The following MAP4K5 variants were observed in gnomAD, a reference collection of about 807,000 sequenced individuals.
MAP4K5 encodes mitogen-activated protein kinase kinase kinase kinase 5.
A neutral mutation model predicts 135.6 loss-of-function variants in MAP4K5; 82 were observed. The ratio of observed to expected loss-of-function variants is 0.60; its 90% CI spans 0.51 to 0.73. MAP4K5 has a LOEUF of 0.73. MAP4K5 is among the 30% of genes least tolerant of loss of function. The pLI is 0.00. For synonymous variants in MAP4K5, 347 were observed against 335.0 expected, an observed-to-expected ratio of 1.04 and a Z score of -0.39; for missense variants, 907 against 1,010.9, an observed-to-expected ratio of 0.90 and a Z score of 1.39.
chr14:50,507,087 C>A (rs1327865574), intron 2 of MAP4K5, among the ~76,000 whole-genome samples: 2 of 152,150 alleles, frequency 1.3e-5, no homozygotes, highest in East Asian at 3.8e-4. Context: ...TTCAGTAAAT[C>A]ATAAAATGTG....
chr14:50,507,295 A>T (rs572843818), intron 2 of MAP4K5, among the ~76,000 whole-genome samples: 1 of 152,320 alleles, frequency 6.6e-6, no homozygotes, highest in African/African-American at 2.4e-5. Flanking sequence ...ATCTTTTCAA[A>T]AAACCAGCTC....
At chr14:50,495,756 A>G (rs776607119) in intron 3 of MAP4K5, among the ~76,000 whole-genome samples, 2 of 152,228 alleles carry the variant, frequency 1.3e-5, no homozygotes, top group African/African-American at 4.8e-5. Flanking sequence ...GTCATATGCT[A>G]TAACATAGAT....
chr14:50,432,152 A>C (rs906171986), intron 28 of MAP4K5, among the ~76,000 whole-genome samples: 1 of 152,250 alleles, frequency 6.6e-6, no homozygotes, highest in African/African-American at 2.4e-5. Context: ...CCTTGGAGAT[A>C]AGGATATAGC....
chr14:50,516,756 A>G (rs1014776884), intron 2 of MAP4K5, among the ~76,000 whole-genome samples: 46 of 152,112 alleles, frequency 3.0e-4, no homozygotes, highest in Admixed American at 6.5e-4. Flanking sequence ...ATAAGCAAAT[A>G]TATTCTCCAA....
At chr14:50,541,599 T>C (rs1345519120) in intron 2 of MAP4K5, among the ~76,000 whole-genome samples, 1 of 152,154 alleles carries the variant, frequency 6.6e-6, no homozygotes, top group Admixed American at 6.5e-5. Flanking sequence ...GAGAAGGCTA[T>C]GATGCAAGCT....
At chr14:50,555,967 A>G (rs2038760196) in intron 1 of MAP4K5, among the ~76,000 whole-genome samples, 1 of 152,200 alleles carries the variant, frequency 6.6e-6, no homozygotes, top group East Asian at 1.9e-4. Flanking sequence ...GAGGAAAATG[A>G]GCATGGTGAA....
chr14:50,552,858 A>C (rs2038719992), intron 1 of MAP4K5, among the ~76,000 whole-genome samples: 1 of 152,186 alleles, frequency 6.6e-6, no homozygotes, highest in Middle Eastern at 3.2e-3. Context: ...AGAAAAATCA[A>C]CTCAAGATGG....
chr14:50,515,123 CG>C (rs2038008902), intron 2 of MAP4K5, among the ~76,000 whole-genome samples: 1 of 151,952 alleles, frequency 6.6e-6, no homozygotes, highest in Admixed American at 6.6e-5. Context: ...AGGATGGTCT[CG>C]ATCTCCTGAC....
intron 3 of MAP4K5, among the ~76,000 whole-genome samples, chr14:50,499,146 T>C (rs184468763): frequency 7.4e-5 from 11 of 149,374 alleles, no homozygotes; most frequent in African/African-American, 2.7e-4. Flanking sequence ...AAAAGACAAA[T>C]ACAGGATGCT....
chr14:50,420,700 G>C (rs1361489622), intron 32 of MAP4K5, among the ~76,000 whole-genome samples: 2 of 152,088 alleles, frequency 1.3e-5, no homozygotes, highest in African/African-American at 4.8e-5. Context: ...TAATACTTTA[G>C]GGATTTCACT....
chr14:50,487,408 G>A (rs141440550), intron 3 of MAP4K5, among the ~76,000 whole-genome samples: 233 of 152,190 alleles, frequency 1.5e-3, no homozygotes, highest in African/African-American at 5.0e-3. Flanking sequence ...GTCAATTCAC[G>A]TAAACATTAA....
At position 50,475,140 on chromosome 14, in the gene MAP4K5, C is replaced by T; in HGVS notation, c.479G>A (p.Gly160Asp). ...GGTAGCTGTTATTTTTGCAGCCACA[C>T]CAAAGTCAGCTAGTGAGGAAAAAAA... is the stretch of plus-strand genomic sequence containing the variant. Reference protein sequence around the residue: ...DHGDVKLADFGVAAKITATIA... With the variant: ...DHGDVKLADFDVAAKITATIA... Residue 160 changes from glycine (G) to aspartate (D), a missense_variant, in exon 9 of 33, where the codon GGT becomes GAT. By Grantham distance (94) the Gly-to-Asp change is moderately conservative (BLOSUM62 -1). Around this residue, in one of 3 missense-constraint regions of MAP4K5, gnomAD observed 21 missense variants for 44.2 expected, o/e 0.47. Transcript: ENST00000682126. The T allele has an allele frequency of 1.2e-6, 2 of 1,613,716 alleles. No individual in the cohort carries two copies. Among genetic ancestry groups the T allele is most frequent in the Non-Finnish European group, 1.7e-6 (2 of 1,179,742 alleles).
intron 3 of MAP4K5, among the ~76,000 whole-genome samples, chr14:50,494,690 C>T (rs1339240926): frequency 2.6e-5 from 4 of 151,968 alleles, no homozygotes; most frequent in Non-Finnish European, 5.9e-5. Context: ...TAAAAGCTAC[C>T]ATAATCAAAA....
intron 26 of MAP4K5, among the ~76,000 whole-genome samples, chr14:50,435,997 G>T (rs1215923415): frequency 6.6e-6 from 1 of 152,086 alleles, no homozygotes; most frequent in Admixed American, 6.6e-5. Context: ...ATTCTCCCTA[G>T]AAAAATAATA....
In MAP4K5 at chr14:50,524,767, G is replaced by A. The variant is rs561842093; in HGVS notation, c.108+7175C>T. Among the ~76,000 whole-genome samples, 5 of 152,282 alleles carry A rather than the reference G, an allele frequency of 3.3e-5. No homozygotes were observed. In the South Asian group the frequency reaches 1.0e-3, roughly 32 times the overall value. On this transcript the variant is annotated intron_variant, in intron 2 of 32. Coordinates refer to ENST00000682126, the MANE Select transcript of MAP4K5 (RefSeq NM_006575.6). ...AAGTTCAGTATGGATACGGTATTGG[G>A]ATAAGCAGGGCCTTAACAGGAATAT...
intron 3 of MAP4K5, among the ~76,000 whole-genome samples, chr14:50,490,939 C>T (rs1390004521): frequency 6.6e-6 from 1 of 152,172 alleles, no homozygotes; most frequent in Non-Finnish European, 1.5e-5. Context: ...TTTCCTAATA[C>T]TATCTGCAGG....
upstream of MAP4K5, chr14:50,533,213 C>T (rs1595559820): frequency 6.6e-6 from 1 of 152,240 alleles, no homozygotes; most frequent in East Asian, 1.9e-4. Flanking sequence ...TGTCTCATCG[C>T]TGGTATTGCA....
chr14:50,553,024 G>T (rs544249562), intron 1 of MAP4K5, among the ~76,000 whole-genome samples: 13 of 152,284 alleles, frequency 8.5e-5, no homozygotes, highest in African/African-American at 2.6e-4. Flanking sequence ...GCCAGGCATG[G>T]TGGCTCACGC....
chr14:50,483,676 G>A (rs1595498221), intron 5 of MAP4K5, among the ~76,000 whole-genome samples: 1 of 102,942 alleles, frequency 9.7e-6, no homozygotes, highest in Non-Finnish European at 2.0e-5. Flanking sequence ...AGAATTTCAT[G>A]AAAAAATAAA....
Sources: gnomAD v4.1 joint callset for allele counts (sites outside exome capture counted in the v4.1 genomes callset) on GRCh38, gnomAD v4.1.1 for gene constraint, gnomAD v4.1.1 regional missense constraint, MANE v1.5 for transcripts, NCBI Gene and HGNC (gene_info 2026-07-23, HGNC 2026-07-21) for gene names.